ORAI2: variants seen among roughly 807,000 people sequenced by gnomAD.
ORAI2 encodes protein orai-2.
A neutral mutation model predicts 16.2 loss-of-function variants in ORAI2; 10 were observed. The observed-to-expected ratio is 0.62, with a 90% CI of 0.38 to 1.04. The LOEUF (loss-of-function observed/expected upper bound fraction) is 1.04, where lower values mean the gene tolerates loss of function less well. Among genes scored for constraint, ORAI2 ranks in the 50% least tolerant of loss-of-function variants. The probability of loss-of-function intolerance (pLI) is 0.01; values close to 1 mark genes in which losing one functional copy is unlikely to be tolerated. For missense variants in ORAI2, 238 were observed against 355.5 expected (o/e 0.67, Z 2.66); for synonymous variants, 150 against 157.5 (o/e 0.95, Z 0.35).
At position 102,455,571 on chromosome 7, in the gene ORAI2, G is replaced by T. The variant is rs1013660936; in HGVS notation, c.*8519G>T. The T allele has an allele frequency of 3.3e-5, 5 of 152,272 alleles. No individual in the cohort carries two copies. The highest frequency in any genetic ancestry group is 1.2e-4 in the African/African-American group (5 of 41,456). 9.4% of individuals were successfully genotyped at this position (152,272 alleles called of 1,614,324 possible). A position where few individuals can be genotyped will look rare whatever the true frequency, so the allele number is the denominator to read the frequency against. On this transcript the variant is annotated 3_prime_UTR_variant, in exon 4 of 4. Transcript: ENST00000495936. ...TCCAGATGTTGGAGCATCCTGCAGGGGCCAGCCCAGCCTGTCAGGGGCAGA... is the reference window on the plus strand; with the variant it reads ...TCCAGATGTTGGAGCATCCTGCAGGTGCCAGCCCAGCCTGTCAGGGGCAGA...
Position 102,446,703 on chromosome 7 carries a change from A to G in ORAI2, c.416A>G (p.His139Arg), listed in dbSNP as rs199552953. 1 of 1,614,216 alleles carries G rather than the reference A, an allele frequency of 6.2e-7. No homozygotes were observed. Among genetic ancestry groups the G allele is most frequent in the Non-Finnish European group, 8.5e-7 (1 of 1,180,036 alleles). ...HNLNSISESP[H>R]ERMHPYIELA... ...CTGAACTCCATCAGCGAGTCCCCGCATGAGCGCATGCACCCCTACATCGAG... is the reference window on the plus strand; with the variant it reads ...CTGAACTCCATCAGCGAGTCCCCGCGTGAGCGCATGCACCCCTACATCGAG... The change falls in exon 4 of 4, where the codon CAT becomes CGT. Residue 139 changes from histidine to arginine, a missense_variant. His to Arg is a conservative substitution (Grantham distance 29). Coordinates refer to ENST00000495936, the MANE Select transcript of ORAI2 (RefSeq NM_001126340.3).
At position 102,446,849 on chromosome 7, in the gene ORAI2, C is replaced by T. The variant is rs781117706; in HGVS notation, c.562C>T (p.Pro188Ser). 6 of 1,613,798 alleles carry T rather than the reference C, an allele frequency of 3.7e-6. No individual in the cohort carries two copies. Among genetic ancestry groups the T allele is most frequent in the Non-Finnish European group, 5.1e-6 (6 of 1,179,992 alleles). Reference sequence around the variant, plus strand: ...GCGCCAGCCTGGCCCCCCACCTGGCCCTGGGAGTCACACGGGCTGGCAGGC... The same window carrying T: ...GCGCCAGCCTGGCCCCCCACCTGGCTCTGGGAGTCACACGGGCTGGCAGGC... ...ARRQPGPPPGPGSHTGWQAAL... is the reference protein window; with the variant it reads ...ARRQPGPPPGSGSHTGWQAAL... The change falls in exon 4 of 4, where the codon CCT becomes TCT. Residue 188 changes from proline to serine, a missense_variant. Physicochemically the swap from Pro to Ser is moderately conservative, Grantham distance 74. Coordinates refer to ENST00000495936, the MANE Select transcript of ORAI2 (RefSeq NM_001126340.3).
intron 3 of ORAI2, among the ~76,000 whole-genome samples, chr7:102,445,873 TTCTTTCTCTCTCTTTCTTTCTCTCTTTC>T (rs1298682160): frequency 1.3e-5 from 2 of 150,658 alleles, no homozygotes; most frequent in Non-Finnish European, 3.0e-5. Context: ...TCTTTTTCTT[TTCTTTCTCTCTCTTTCTTTCTCTCTTTC>T]TCTTTCTCTC....
In ORAI2 at chr7:102,455,246, A is replaced by G. The variant is rs1797617307; in HGVS notation, c.*8194A>G. 6.6e-6 allele frequency: 1 copy of G among 152,444 alleles called. No homozygotes were observed. The highest frequency in any genetic ancestry group is 2.4e-5 in the African/African-American group (1 of 41,444). The allele number at this position is 152,444 out of a possible 1,614,324, so 9.4% of individuals were successfully genotyped here. On this transcript the variant is annotated 3_prime_UTR_variant, in exon 4 of 4. Transcript: ENST00000495936. ...AAAGAAAGGAAAAGAAAAAGGAAAC[A>G]TACGAGGCTATGGGGCCGTGTACGG... is the stretch of plus-strand genomic sequence containing the variant.
In ORAI2 at chr7:102,446,561, C is replaced by A; in HGVS notation, c.274C>A (p.Pro92Thr). ...QLETQYQYPR[P>T]LLIAFSACTT... is the part of the protein sequence containing the mutation. ...GGAGACGCAGTACCAGTACCCGCGGCCGCTGCTGATTGCCTTCAGCGCCTG... is the reference window on the plus strand; with the variant it reads ...GGAGACGCAGTACCAGTACCCGCGGACGCTGCTGATTGCCTTCAGCGCCTG... The change falls in exon 4 of 4, where the codon CCG (proline) becomes ACG (threonine). Residue 92 changes from proline (P) to threonine (T), a missense_variant. By Grantham distance (38) the Pro-to-Thr change is conservative (BLOSUM62 -1). This residue lies in a region of ORAI2 where 176 missense variants were observed against 265.9 expected (regional missense o/e 0.66). Coordinates refer to ENST00000495936, the MANE Select transcript of ORAI2 (RefSeq NM_001126340.3). The A allele has an allele frequency of 6.2e-7, 1 of 1,612,782 alleles. No individual in the cohort carries two copies. The highest frequency in any genetic ancestry group is 8.5e-7 in the Non-Finnish European group (1 of 1,179,782).
rs1797477468 is a variant in ORAI2, at chr7:102,449,745, G to A, written c.*2693G>A. ...TAAAAATAAATTAGCTGGGCGTGGTGGTGCATGCCTGTAGTTCCAGCTACT... is the reference window on the plus strand; with the variant it reads ...TAAAAATAAATTAGCTGGGCGTGGTAGTGCATGCCTGTAGTTCCAGCTACT... On this transcript the variant is annotated 3_prime_UTR_variant, in exon 4 of 4. Coordinates refer to ENST00000495936, the MANE Select transcript of ORAI2 (RefSeq NM_001126340.3). 2 of 152,240 alleles carry A rather than the reference G, an allele frequency of 1.3e-5. No individual in the cohort carries two copies. Among genetic ancestry groups the A allele is most frequent in the African/African-American group, 4.8e-5 (2 of 41,426 alleles). 9.4% of individuals were successfully genotyped at this position (152,240 alleles called of 1,614,324 possible).
chr7:102,446,529 T>C lies in ORAI2; in HGVS notation c.242T>C (p.Val81Ala). Residue 81 changes from valine (V) to alanine (A), a missense_variant, in exon 4 of 4, where the codon GTG (valine) becomes GCG (alanine). Physicochemically the swap from Val to Ala is moderately conservative, Grantham distance 64. This residue lies in a region of ORAI2 where 176 missense variants were observed against 265.9 expected (regional missense o/e 0.66). Coordinates refer to ENST00000495936, the MANE Select transcript of ORAI2 (RefSeq NM_001126340.3). ...SGFAMVAMVE[V>A]QLETQYQYPR... ...TCCCCGCAGGTGGCCATGGTGGAGG[T>C]GCAGCTGGAGACGCAGTACCAGTAC... 1 of 1,608,470 alleles carries C rather than the reference T, an allele frequency of 6.2e-7. No homozygotes were observed. The highest frequency in any genetic ancestry group is 8.5e-7 in the Non-Finnish European group (1 of 1,177,752).
chr7:102,440,756 T>A (rs1020738889), intron 3 of ORAI2, among the ~76,000 whole-genome samples: 2 of 151,730 alleles, frequency 1.3e-5, no homozygotes, highest in African/African-American at 4.8e-5. Context: ...TAGGCTGGAG[T>A]GCGGGGGTGC....
At chr7:102,438,845 T>A in intron 2 of ORAI2, 99 bp from the exon 3 acceptor site, 1 of 1,084,546 alleles carries the variant, frequency 9.2e-7, no homozygotes, top group South Asian at 1.3e-5. Context: ...TGGCGTGGGC[T>A]GTATATGGCA....
Position 102,446,654 on chromosome 7 carries a change from G to C in ORAI2, c.367G>C (p.Glu123Gln). 1 of 1,614,126 alleles carries C rather than the reference G, an allele frequency of 6.2e-7. No homozygotes were observed. Among genetic ancestry groups the C allele is most frequent in the Non-Finnish European group, 8.5e-7 (1 of 1,180,026 alleles). ...CAGCACCTGCATCCTGCCCAATGTG[G>C]AGGCCGTGAGCAACATCCACAACCT... is the stretch of plus-strand genomic sequence containing the variant. ...LISTCILPNV[E>Q]AVSNIHNLNS... Residue 123 changes from glutamate to glutamine, a missense_variant, in exon 4 of 4, where the codon GAG becomes CAG. Physicochemically the swap from Glu to Gln is conservative, Grantham distance 29 (BLOSUM62 2). This residue lies in a region of ORAI2 where 176 missense variants were observed against 265.9 expected (regional missense o/e 0.66). Coordinates refer to ENST00000495936, the MANE Select transcript of ORAI2 (RefSeq NM_001126340.3).
chr7:102,443,334 A>G (rs1226929275), intron 3 of ORAI2, among the ~76,000 whole-genome samples: 1 of 143,230 alleles, frequency 7.0e-6, no homozygotes, highest in Non-Finnish European at 1.5e-5. Flanking sequence ...GCTGGAGTGC[A>G]GTGGCGCGAT....
rs1797417797 is a variant in ORAI2, at chr7:102,447,990, C to T, written c.*938C>T. On this transcript the variant is annotated 3_prime_UTR_variant, in exon 4 of 4. Transcript: ENST00000495936. ...GCTGTGGCAGCAGGAGGCGGGGGCT[C>T]TGGCTCAGGCCCCGGAGCCTGTGCA... 1.3e-5 allele frequency: 2 copies of T among 152,350 alleles called. No individual in the cohort carries two copies. Among genetic ancestry groups the T allele is most frequent in the African/African-American group, 2.4e-5 (1 of 41,468 alleles). The allele number at this position is 152,350 out of a possible 1,614,324, so 9.4% of individuals were successfully genotyped here. A position where few individuals can be genotyped will look rare whatever the true frequency, so the allele number is the denominator to read the frequency against.
chr7:102,437,023 C>G (rs908781017), intron 2 of ORAI2, among the ~76,000 whole-genome samples: 1 of 152,196 alleles, frequency 6.6e-6, no homozygotes, highest in African/African-American at 2.4e-5. Context: ...GGCGTGTGGC[C>G]GAGCAGCCCA....
chr7:102,438,553 T>C (rs1179745166), intron 2 of ORAI2, among the ~76,000 whole-genome samples: 2 of 151,990 alleles, frequency 1.3e-5, no homozygotes, highest in Non-Finnish European at 2.9e-5. Context: ...GGCAGGCAGA[T>C]CACTTGAGGT....
intron 3 of ORAI2, among the ~76,000 whole-genome samples, chr7:102,441,486 C>T (rs954727830): frequency 6.7e-6 from 1 of 149,828 alleles, no homozygotes; most frequent in Non-Finnish European, 1.5e-5. Context: ...TTGCACTGAG[C>T]CGAGATTGCA....
chr7:102,435,580 A>C (rs1586706446), intron 1 of ORAI2, among the ~76,000 whole-genome samples: 1 of 132,064 alleles, frequency 7.6e-6, no homozygotes, highest in Admixed American at 8.6e-5. Context: ...TCTGTTGCCC[A>C]GGCTGGAGTG....
chr7:102,434,996 G>A (rs1473884732), intron 1 of ORAI2, among the ~76,000 whole-genome samples: 1 of 152,272 alleles, frequency 6.6e-6, no homozygotes, highest in African/African-American at 2.4e-5. Context: ...GAGGCCAGGC[G>A]CAGTGGTTCA....
intron 3 of ORAI2, among the ~76,000 whole-genome samples, chr7:102,444,856 G>A (rs927557605): frequency 2.7e-5 from 4 of 149,766 alleles, no homozygotes; most frequent in Non-Finnish European, 4.4e-5. Flanking sequence ...TAGTAAAGAC[G>A]GGGTTTCACC....
Position 102,451,435 on chromosome 7 carries a change from G to A in ORAI2, c.*4383G>A, listed in dbSNP as rs1797516457. 1 of 152,158 alleles carries A rather than the reference G, an allele frequency of 6.6e-6. No homozygotes were observed. The highest frequency in any genetic ancestry group is 2.4e-5 in the African/African-American group (1 of 41,426). 9.4% of individuals were successfully genotyped at this position (152,158 alleles called of 1,614,324 possible). A position where few individuals can be genotyped will look rare whatever the true frequency, so the allele number is the denominator to read the frequency against. On this transcript the variant is annotated 3_prime_UTR_variant, in exon 4 of 4. Transcript: ENST00000495936. ...TGTCTTCTAGGAAGGGTCTGCTGAG[G>A]ACCAGACCACGTAAGCCTGAGTGGA...
Sources: gnomAD v4.1 joint callset for allele counts (sites outside exome capture counted in the v4.1 genomes callset) on GRCh38, gnomAD v4.1.1 for gene constraint, gnomAD v4.1.1 regional missense constraint, MANE v1.5 for transcripts, NCBI Gene and HGNC (gene_info 2026-07-23, HGNC 2026-07-21) for gene names.